The following KALRN variants were observed in gnomAD, a reference collection of about 807,000 sequenced individuals.
The protein encoded by KALRN is kalirin.
Under a neutral mutation model 353.7 loss-of-function variants are expected in KALRN, and 70 were observed. The ratio of observed to expected loss-of-function variants is 0.20; its 90% CI spans 0.16 to 0.24. The LOEUF is 0.24. KALRN is among the 10% of genes least tolerant of loss of function. The probability of loss-of-function intolerance (pLI) is 1.00; values close to 1 mark genes in which losing one functional copy is unlikely to be tolerated. For synonymous variants in KALRN, 1,391 were observed against 1,434.8 expected (o/e 0.97, Z 0.69); for missense variants, 2,791 against 3,756.7 (o/e 0.74, Z 6.72).
chr3:124,384,886 G>T lies in KALRN; in HGVS notation c.1812G>T (p.Glu604Asp). ...CGGACAAGCTCCTAGAAGCAGCAGA[G>T]CAGTTGGCTCAGACGGGGGAATGTG... The part of the protein sequence containing the change: ...TNADKLLEAA[E>D]QLAQTGECDP... Residue 604 changes from glutamate (E) to aspartate (D), a missense_variant, in exon 11 of 60, where the codon GAG (glutamate) becomes GAT (aspartate). Physicochemically the swap from Glu to Asp is conservative, Grantham distance 45 (BLOSUM62 2). Coordinates refer to ENST00000682506, the MANE Select transcript of KALRN (RefSeq NM_001388419.1). 6.2e-7 allele frequency: 1 copy of T among 1,612,728 alleles called. No individual in the cohort carries two copies. The highest frequency in any genetic ancestry group is 8.5e-7 in the Non-Finnish European group (1 of 1,179,242).
intron 1 of KALRN, among the ~76,000 whole-genome samples, chr3:124,220,830 C>G (rs376958186): frequency 1.3e-5 from 2 of 152,232 alleles, no homozygotes; most frequent in African/African-American, 4.8e-5. Context: ...GCCCCTACCC[C>G]CTATTCTACC....
rs867893767 is a variant in KALRN, at chr3:124,718,964, C to T, written c.8455C>T (p.Arg2819Ter). The T allele has an allele frequency of 6.2e-7, 1 of 1,614,232 alleles. No homozygotes were observed. The highest frequency in any genetic ancestry group is 8.5e-7 in the Non-Finnish European group (1 of 1,180,042). Reference sequence around the variant, plus strand: ...CATTGACCTACGGATTCCAGTGCCTCGAGTGAAGCTCATTGACTTGGAGGA... The same window carrying T: ...CATTGACCTACGGATTCCAGTGCCTTGAGTGAAGCTCATTGACTTGGAGGA... ...LLIDLRIPVP[R>*]VKLIDLEDAV... Residue 2819 changes from arginine to a stop codon, truncating the protein, a stop_gained, in exon 60 of 60, where the codon CGA (arginine) becomes TGA (stop). Coordinates refer to ENST00000682506, the MANE Select transcript of KALRN (RefSeq NM_001388419.1). LOFTEE classifies it high-confidence loss of function.
At chr3:124,219,674 C>T (rs1457116663) in intron 1 of KALRN, among the ~76,000 whole-genome samples, 5 of 152,154 alleles carry the variant, frequency 3.3e-5, no homozygotes, top group Non-Finnish European at 7.4e-5. Context: ...AACTCTGCTG[C>T]ACCATCCCTC....
At chr3:124,084,439 G>A (rs188981375) in intron 1 of KALRN, among the ~76,000 whole-genome samples, 8 of 152,320 alleles carry the variant, frequency 5.3e-5, no homozygotes, top group Admixed American at 5.2e-4. Context: ...CAGCACGGAG[G>A]GGTATCCTCA....
Position 124,650,923 on chromosome 3 carries a change from C to A in KALRN, c.5780C>A (p.Ala1927Asp), listed in dbSNP as rs2083340126. The change falls in exon 38 of 60, where the codon GCC becomes GAC. Residue 1927 changes from alanine to aspartate, a missense_variant. Physicochemically the swap from Ala to Asp is moderately radical, Grantham distance 126. Around this residue, in one of 11 missense-constraint regions of KALRN, gnomAD observed 1,065 missense variants for 1,156.4 expected, o/e 0.92. Transcript: ENST00000682506. ...CCAGAAGAAGAACAGAAAGCCAAGG[C>A]CCTGAGAGGCAGGATGTAAGTGGCT... is the stretch of plus-strand genomic sequence containing the variant. The part of the protein sequence containing the change: ...KNPEEEQKAK[A>D]LRGRMFVLNE... 1 of 1,614,144 alleles carries A rather than the reference C, an allele frequency of 6.2e-7. No individual in the cohort carries two copies. The highest frequency in any genetic ancestry group is 8.5e-7 in the Non-Finnish European group (1 of 1,180,018).
At chr3:124,614,361 C>T (rs1355852956) in intron 34 of KALRN, among the ~76,000 whole-genome samples, 9 of 151,168 alleles carry the variant, frequency 6.0e-5, no homozygotes, top group African/African-American at 9.7e-5. Context: ...CTCGACCTTC[C>T]GGGCTCAATC....
At chr3:124,071,697 G>A (rs1278052932) in intron 1 of KALRN, among the ~76,000 whole-genome samples, 1 of 152,166 alleles carries the variant, frequency 6.6e-6, no homozygotes, top group Non-Finnish European at 1.5e-5. Flanking sequence ...GTCATGATGA[G>A]GGGAGAAGCC....
In KALRN at chr3:124,666,393, G is replaced by A. The variant is rs2085623775; in HGVS notation, c.6346-56G>A. On this transcript the variant is annotated intron_variant, in intron 45 of 59. Transcript: ENST00000682506. ...TGGGGAGGTTCTGTGGACCCAGAGG[G>A]CAGTGGCTCGCTCCCCATTTTTCAT... The A allele has an allele frequency of 2.8e-5, 43 of 1,535,210 alleles. No homozygotes were observed. In the South Asian group the frequency reaches 3.7e-4, roughly 13 times the overall value.
At chr3:124,034,692 C>G (rs1040539519) in intron 1 of KALRN, among the ~76,000 whole-genome samples, 1 of 152,116 alleles carries the variant, frequency 6.6e-6, no homozygotes, top group African/African-American at 2.4e-5. Context: ...GGCCCTGTTT[C>G]TCTGATGGCC....
chr3:124,137,838 C>T (rs1264162512), intron 1 of KALRN, among the ~76,000 whole-genome samples: 1 of 152,044 alleles, frequency 6.6e-6, no homozygotes, highest in Non-Finnish European at 1.5e-5. Context: ...GCTGAAATGG[C>T]CATCTGAATG....
At chr3:124,340,913 G>A (rs546246223) in intron 9 of KALRN, among the ~76,000 whole-genome samples, 2 of 152,258 alleles carry the variant, frequency 1.3e-5, no homozygotes, top group Admixed American at 1.3e-4. Context: ...CCAAGATCAC[G>A]CTACTGCACT....
At chr3:124,401,321 G>A (rs1052970916) in intron 13 of KALRN, among the ~76,000 whole-genome samples, 9 of 152,052 alleles carry the variant, frequency 5.9e-5, no homozygotes, top group Admixed American at 2.6e-4. Flanking sequence ...CCTGGGCAAC[G>A]TGGTGAAACT....
At chr3:124,237,147 G>A (rs2079880839) in intron 3 of KALRN, among the ~76,000 whole-genome samples, 1 of 152,208 alleles carries the variant, frequency 6.6e-6, no homozygotes, top group African/African-American at 2.4e-5. Flanking sequence ...AACTTAGCAG[G>A]TCAGATTATA....
intron 37 of KALRN, among the ~76,000 whole-genome samples, chr3:124,640,286 C>CTTTTTTTTT (rs71777187): frequency 7.8e-6 from 1 of 127,462 alleles, no homozygotes; most frequent in Non-Finnish European, 1.6e-5. Flanking sequence ...TTCTTTCTTT[C>CTTTTTTTTT]TTTTTTTTTT....
intron 39 of KALRN, among the ~76,000 whole-genome samples, 187 bp from the exon 40 acceptor site, chr3:124,657,261 A>G (rs1174109643): frequency 1.3e-5 from 2 of 152,098 alleles, no homozygotes; most frequent in Non-Finnish European, 2.9e-5. Context: ...CCTGAAACTC[A>G]TAAAAGTTTT....
intron 1 of KALRN, among the ~76,000 whole-genome samples, chr3:124,053,736 G>T (rs1294700082): frequency 6.6e-6 from 1 of 152,252 alleles, no homozygotes; most frequent in Non-Finnish European, 1.5e-5. Context: ...GCATGCACAT[G>T]ATGTTGCTCA....
chr3:124,629,833 T>C (rs2080558836), intron 34 of KALRN, among the ~76,000 whole-genome samples: 1 of 151,934 alleles, frequency 6.6e-6, no homozygotes, highest in African/African-American at 2.4e-5. Flanking sequence ...TCTCTCTGCT[T>C]CTCTCTATTG....
At chr3:124,194,395 T>C (rs1579222779) in intron 1 of KALRN, among the ~76,000 whole-genome samples, 1 of 152,012 alleles carries the variant, frequency 6.6e-6, no homozygotes, top group East Asian at 1.9e-4. Context: ...GTTCTGGCTC[T>C]GTCATCTTTA....
chr3:124,229,614 G>A (rs2078941328), intron 2 of KALRN, among the ~76,000 whole-genome samples: 1 of 152,248 alleles, frequency 6.6e-6, no homozygotes. Flanking sequence ...AGAGAGAAGA[G>A]GAGGCGGGAA....
Sources: gnomAD v4.1 joint callset for allele counts (sites outside exome capture counted in the v4.1 genomes callset) on GRCh38, gnomAD v4.1.1 for gene constraint, gnomAD v4.1.1 regional missense constraint, MANE v1.5 for transcripts, NCBI Gene and HGNC (gene_info 2026-07-23, HGNC 2026-07-21) for gene names.